LUZP2: variants seen among roughly 807,000 people sequenced by gnomAD.
LUZP2 encodes the protein leucine zipper protein 2.
Under a neutral mutation model 51.6 loss-of-function variants are expected in LUZP2, and 52 were observed. The observed-to-expected ratio is 1.01, with a 90% confidence interval of 0.81 to 1.27. The LOEUF (loss-of-function observed/expected upper bound fraction) is 1.27, where lower values mean the gene tolerates loss of function less well. Ranked by LOEUF, LUZP2 falls within the 50% of genes most tolerant of loss-of-function variation. The pLI is 0.00. For missense variants in LUZP2, 436 were observed against 395.4 expected (o/e 1.10, Z -0.87); for synonymous variants, 154 against 137.3 (o/e 1.12, Z -0.85).
intron 1 of LUZP2, among the ~76,000 whole-genome samples, chr11:24,574,211 CCTTTCTTTCTTTCTTT>C (rs1169525307): frequency 1.3e-3 from 8 of 6,056 alleles, no homozygotes; most frequent in African/African-American, 1.6e-3. Flanking sequence ...TTTCTTCCTT[CCTTTCTTTCTTTCTTT>C]CTTTCTTTCT....
chr11:25,030,895 A>ATATATAATATATATTGTAT lies in LUZP2; in HGVS notation c.766-19137_766-19136insATATATATTGTATTATATA, dbSNP rs1554957904. On this transcript the variant is annotated intron_variant, in intron 9 of 11. Transcript: ENST00000336930. ...ATATGTGTGTTACTATATATATTAT[A>ATATATAATATATATTGTAT]TATATATATAATATATATTGTATTA... 8.6e-3 allele frequency among the ~76,000 whole-genome samples: 41 copies of ATATATAATATATATTGTAT among 4,784 alleles called. 1 individual carries two copies. In the East Asian group the frequency reaches 0.5, roughly 58 times the overall value. 3.1% of individuals were successfully genotyped at this position (4,784 alleles called of 152,430 possible). A position where few individuals can be genotyped will look rare whatever the true frequency, so the allele number is the denominator to read the frequency against.
chr11:24,981,098 A>C (rs2046531934), intron 8 of LUZP2, among the ~76,000 whole-genome samples: 1 of 151,866 alleles, frequency 6.6e-6, no homozygotes, highest in South Asian at 2.1e-4. Flanking sequence ...GTTGAAAACA[A>C]ATGACACCTA....
chr11:24,840,728 A>G (rs936966334), intron 5 of LUZP2, among the ~76,000 whole-genome samples: 1 of 151,982 alleles, frequency 6.6e-6, no homozygotes, highest in Non-Finnish European at 1.5e-5. Flanking sequence ...AAGGTTACCA[A>G]AGTATTACAT....
At chr11:24,964,225 G>C (rs188544834) in intron 7 of LUZP2, among the ~76,000 whole-genome samples, 88 of 152,206 alleles carry the variant, frequency 5.8e-4, no homozygotes, top group Non-Finnish European at 1.1e-3. Flanking sequence ...AGAATATTTA[G>C]ATGTTAATTC....
In LUZP2 at chr11:24,976,474, G is replaced by GT. The variant is rs71044328; in HGVS notation, c.523-103dup. On this transcript the variant is annotated intron_variant, in intron 7 of 11. Coordinates refer to ENST00000336930, the MANE Select transcript of LUZP2 (RefSeq NM_001009909.4). ...TTCTAAATGAATCTTACAGGACACT[G>GT]TTTTTTTTTTTTTTCTTTTCTCTCT... is the stretch of plus-strand genomic sequence containing the variant. 242 of 369,252 alleles carry GT rather than the reference G, an allele frequency of 6.6e-4. No individual in the cohort carries two copies. The African/African-American group carries it at 8.7e-3, about 13-fold the overall frequency. 22.9% of individuals were successfully genotyped at this position (369,252 alleles called of 1,614,324 possible). A position where few individuals can be genotyped will look rare whatever the true frequency, so the allele number is the denominator to read the frequency against.
intron 5 of LUZP2, among the ~76,000 whole-genome samples, chr11:24,883,790 A>G (rs1027865747): frequency 6.6e-6 from 1 of 152,052 alleles, no homozygotes; most frequent in Admixed American, 6.6e-5. Flanking sequence ...TGTCTTATGT[A>G]CCTGTAGAAC....
intron 10 of LUZP2, among the ~76,000 whole-genome samples, chr11:25,056,760 G>T (rs1269416923): frequency 6.6e-6 from 1 of 152,078 alleles, no homozygotes; most frequent in African/African-American, 2.4e-5. Flanking sequence ...GTGTATTATT[G>T]TAATAATCCC....
chr11:24,966,451 A>G (rs947922865), intron 7 of LUZP2, among the ~76,000 whole-genome samples: 6 of 150,426 alleles, frequency 4.0e-5, no homozygotes, highest in Non-Finnish European at 8.9e-5. Flanking sequence ...GTTTTTGTCT[A>G]TTTAAGAAAT....
intron 9 of LUZP2, among the ~76,000 whole-genome samples, chr11:24,992,282 C>T (rs534652147): frequency 1.3e-5 from 2 of 152,094 alleles, no homozygotes; most frequent in East Asian, 3.9e-4. Flanking sequence ...AATTGGTGAA[C>T]TAGTCCAGTA....
intron 7 of LUZP2, among the ~76,000 whole-genome samples, chr11:24,918,070 C>T (rs1409856976): frequency 2.0e-5 from 3 of 151,886 alleles, no homozygotes; most frequent in Non-Finnish European, 4.4e-5. Flanking sequence ...AAGTTGGATT[C>T]CTAGGTATTG....
intron 1 of LUZP2, among the ~76,000 whole-genome samples, chr11:24,677,802 C>A (rs1484875241): frequency 6.6e-6 from 1 of 152,058 alleles, no homozygotes; most frequent in Non-Finnish European, 1.5e-5. Flanking sequence ...GTAATCCCAG[C>A]ACTTTGGGAG....
intron 1 of LUZP2, among the ~76,000 whole-genome samples, chr11:24,674,267 A>G (rs1005918139): frequency 2.6e-5 from 4 of 151,864 alleles, no homozygotes; most frequent in Admixed American, 2.6e-4. Context: ...TTCCACTTTT[A>G]TTTCCCTTTG....
At chr11:24,916,173 T>G (rs1853783801) in intron 7 of LUZP2, among the ~76,000 whole-genome samples, 1 of 152,028 alleles carries the variant, frequency 6.6e-6, no homozygotes, top group Admixed American at 6.6e-5. Flanking sequence ...GGCTTTTAGC[T>G]GAAGTACAAA....
intron 1 of LUZP2, among the ~76,000 whole-genome samples, chr11:24,683,375 C>T (rs1405603436): frequency 6.6e-6 from 1 of 152,110 alleles, no homozygotes; most frequent in East Asian, 1.9e-4. Flanking sequence ...TAGGGGGCTT[C>T]TTTATTTAGG....
In LUZP2 at chr11:24,796,491, C is replaced by CTGTGTGTGTGTGTG. The variant is rs57329413; in HGVS notation, c.396+33212_396+33225dup. On this transcript the variant is annotated intron_variant, in intron 5 of 11. Transcript: ENST00000336930. ...TATAATTTTGTATGGTAATAATAAT[C>CTGTGTGTGTGTGTG]TGTGTGTGTGTGTGTGTGTGTGTGT... is the stretch of plus-strand genomic sequence containing the variant. Among the ~76,000 whole-genome samples the CTGTGTGTGTGTGTG allele has an allele frequency of 8.8e-5, 11 of 124,612 alleles. 1 individual carries two copies. Among genetic ancestry groups the CTGTGTGTGTGTGTG allele is most frequent in the South Asian group, 3.0e-4 (1 of 3,380 alleles). 81.8% of individuals were successfully genotyped at this position (124,612 alleles called of 152,430 possible).
intron 5 of LUZP2, among the ~76,000 whole-genome samples, chr11:24,766,823 G>A (rs146420523): frequency 1.4e-4 from 21 of 152,200 alleles, no homozygotes; most frequent in African/African-American, 3.9e-4. Context: ...GGGCAGTGGC[G>A]CGATCTCAGC....
chr11:24,757,132 G>A (rs1342654804), intron 4 of LUZP2, among the ~76,000 whole-genome samples: 1 of 152,136 alleles, frequency 6.6e-6, no homozygotes, highest in Admixed American at 6.5e-5. Flanking sequence ...GTGTTTGTGT[G>A]TATATCATGA....
intron 5 of LUZP2, among the ~76,000 whole-genome samples, chr11:24,837,749 C>T (rs1190938417): frequency 2.6e-5 from 4 of 151,606 alleles, no homozygotes; most frequent in Non-Finnish European, 5.9e-5. Flanking sequence ...TGCTTTAAGG[C>T]TAAAAGACTT....
intron 1 of LUZP2, among the ~76,000 whole-genome samples, chr11:24,587,283 G>A (rs555813194): frequency 1.3e-5 from 2 of 149,238 alleles, no homozygotes; most frequent in African/African-American, 5.2e-5. Flanking sequence ...TCAGTGGGAG[G>A]TATTAATTTG....
Sources: gnomAD v4.1 joint callset for allele counts (sites outside exome capture counted in the v4.1 genomes callset) on GRCh38, gnomAD v4.1.1 for gene constraint, MANE v1.5 for transcripts, NCBI Gene and HGNC (gene_info 2026-07-23, HGNC 2026-07-21) for gene names.